Variants in DYNC2H1 observed in about 807,000 individuals in gnomAD.
DYNC2H1 encodes cytoplasmic dynein 2 heavy chain 1.
DYNC2H1 carries 410 observed loss-of-function variants against 570.0 expected under a neutral mutation model. The ratio of observed to expected loss-of-function variants is 0.72; its 90% CI spans 0.66 to 0.78. DYNC2H1 has a LOEUF of 0.78. Among genes scored for constraint, DYNC2H1 ranks in the 30% least tolerant of loss-of-function variants. The pLI, the probability that DYNC2H1 is intolerant of heterozygous loss-of-function variation, is 0.00. For synonymous variants in DYNC2H1, 1,688 were observed against 1,677.6 expected, an observed-to-expected ratio of 1.01 and a Z score of -0.15; for missense variants, 4,865 against 5,046.4, an observed-to-expected ratio of 0.96 and a Z score of 1.09.
chr11:103,109,872 C>A, intron 1 of DYNC2H1, 103 bp downstream of exon 1: 3 of 1,240,400 alleles, frequency 2.4e-6, no homozygotes, highest in Non-Finnish European at 3.3e-6. Context: ...CCAACCAGAT[C>A]CTTTTCAGGA....
In DYNC2H1 at chr11:103,289,733, C is replaced by G. The variant is rs1248627506; in HGVS notation, c.11095+2128C>G. Among the ~76,000 whole-genome samples, 1 of 151,924 alleles carries G rather than the reference C, an allele frequency of 6.6e-6. No homozygotes were observed. The highest frequency in any genetic ancestry group is 1.5e-5 in the Non-Finnish European group (1 of 67,962). On this transcript the variant is annotated intron_variant, in intron 75 of 88. Coordinates refer to ENST00000375735, the MANE Select transcript of DYNC2H1 (RefSeq NM_001377.3). This position sits in a 1 kb window ranked among gnomAD's most constrained non-coding sequence, Gnocchi z 4.2. ...CTGTGATTCTGTCACCACATCCCAG[C>G]GTGGACAGCAGAGCAAGACCTCATC...
intron 84 of DYNC2H1, among the ~76,000 whole-genome samples, chr11:103,408,657 C>T (rs187767984): frequency 1.9e-4 from 29 of 152,134 alleles, no homozygotes; most frequent in Admixed American, 7.9e-4. Flanking sequence ...TTAATAGCAG[C>T]TACATTAGGA....
chr11:103,270,056 G>C (rs1865642079), intron 70 of DYNC2H1, among the ~76,000 whole-genome samples: 1 of 151,932 alleles, frequency 6.6e-6, no homozygotes, highest in South Asian at 2.1e-4. Flanking sequence ...AGCTGGGCAT[G>C]GTGGGGTGTG....
At chr11:103,175,890 A>T (rs1439626333) in intron 36 of DYNC2H1, among the ~76,000 whole-genome samples, 1 of 152,154 alleles carries the variant, frequency 6.6e-6, no homozygotes, top group African/African-American at 2.4e-5. Flanking sequence ...ATACTTTTTA[A>T]CCTACTTTAT....
In DYNC2H1 at chr11:103,117,642, G is replaced by C. The variant is rs1233654994; in HGVS notation, c.778G>C (p.Gly260Arg). 1.9e-6 allele frequency: 3 copies of C among 1,594,628 alleles called. No individual in the cohort carries two copies. In the South Asian group the frequency reaches 3.5e-5, roughly 18 times the overall value. Residue 260 changes from glycine (G) to arginine (R), a missense_variant, in exon 6 of 89, where the codon GGA becomes CGA. Around this residue, in one of 5 missense-constraint regions of DYNC2H1, gnomAD observed 1,936 missense variants for 1,962.1 expected, o/e 0.99. Transcript: ENST00000375735. ...TTATGTTTTATTAGGTGGTTCATTT[G>C]GAAGGTTTGTTCAGAAAAAGTTGGG... is the stretch of plus-strand genomic sequence containing the variant. Reference protein sequence around the residue: ...HLLDIIGGSFGRFVQKKLGTL... With the variant: ...HLLDIIGGSFRRFVQKKLGTL...
At chr11:103,180,869 A>G (rs975994594) in intron 39 of DYNC2H1, among the ~76,000 whole-genome samples, 5 of 151,562 alleles carry the variant, frequency 3.3e-5, no homozygotes, top group Admixed American at 3.3e-4. Context: ...TGATATTTCA[A>G]TTTTTTTCAT....
In DYNC2H1 at chr11:103,121,436, T is replaced by C. The variant is rs781544371; in HGVS notation, c.1425T>C (p.Ser475=). ...GIPGDASGPL[S]GKNLSEVVNS... is the part of the protein sequence containing the mutation. ...CTGGTGATGCATCTGGACCACTTTC[T>C]GGCAAAAATCTTTCAGAAGTTGTCA... Residue 475 remains serine, a synonymous_variant, in exon 10 of 89, where the codon TCT becomes TCC. Transcript: ENST00000375735. 1.1e-5 allele frequency: 17 copies of C among 1,613,660 alleles called. No individual in the cohort carries two copies. The highest frequency in any genetic ancestry group is 1.4e-5 in the Non-Finnish European group (16 of 1,179,712).
intron 71 of DYNC2H1, 32 bp from the exon 72 acceptor site, chr11:103,282,147 T>C: frequency 6.3e-7 from 1 of 1,592,294 alleles, no homozygotes; most frequent in South Asian, 1.2e-5. Flanking sequence ...ATCATTTTTA[T>C]ATTTTTGTGT....
intron 40 of DYNC2H1, among the ~76,000 whole-genome samples, chr11:103,183,346 T>C (rs1861931953): frequency 6.6e-6 from 1 of 151,840 alleles, no homozygotes; most frequent in African/African-American, 2.4e-5. Flanking sequence ...TCGTATTAGA[T>C]GGAATATATT....
Position 103,461,512 on chromosome 11 carries a change from AC to A in DYNC2H1, c.12648+5157del, listed in dbSNP as rs1183793922. 6.6e-6 allele frequency among the ~76,000 whole-genome samples: 1 copy of A among 152,202 alleles called. No individual in the cohort carries two copies. ...ACTTGAAAACTTGATATTGCAAAAT[AC>A]ATAAATCAAGCTCCTGTTCAGCCTA... On this transcript the variant is annotated intron_variant, in intron 87 of 88. Transcript: ENST00000375735. The surrounding 1 kb of genome is among the most constrained non-coding windows in gnomAD (Gnocchi z 4.8).
At chr11:103,355,988 G>A (rs1254587331) in intron 82 of DYNC2H1, among the ~76,000 whole-genome samples, 3 of 152,214 alleles carry the variant, frequency 2.0e-5, no homozygotes, top group Non-Finnish European at 2.9e-5. Flanking sequence ...AGGATTGCAA[G>A]TGTGAACCAC....
At chr11:103,302,630 G>T (rs4754905) in intron 75 of DYNC2H1, among the ~76,000 whole-genome samples, 26,196 of 151,916 alleles carry the variant, frequency 0.17, 2,448 homozygotes, top group Admixed American at 0.26. Flanking sequence ...CATTTACTCA[G>T]ATCATGAGAA....
chr11:103,174,165 A>C lies in DYNC2H1; in HGVS notation c.5669A>C (p.Gln1890Pro). Residue 1890 changes from glutamine to proline, a missense_variant, in exon 36 of 89, where the codon CAG becomes CCG. Coordinates refer to ENST00000375735, the MANE Select transcript of DYNC2H1 (RefSeq NM_001377.3). ...LRQLNKSGTT[Q>P]NANESHIVVQ... ...CAGCTAAACAAAAGTGGCACTACACAGAATGGTATGATTGATTATTCCAAA... is the reference window on the plus strand; with the variant it reads ...CAGCTAAACAAAAGTGGCACTACACCGAATGGTATGATTGATTATTCCAAA... The C allele has an allele frequency of 6.4e-7, 1 of 1,565,276 alleles. No homozygotes were observed. The highest frequency in any genetic ancestry group is 8.7e-7 in the Non-Finnish European group (1 of 1,152,308).
Position 103,152,388 on chromosome 11 carries a change from T to A in DYNC2H1, c.3096+103T>A, listed in dbSNP as rs953418853. The A allele has an allele frequency of 1.4e-5, 16 of 1,120,214 alleles. No homozygotes were observed. In the East Asian group the frequency reaches 3.9e-4, roughly 27 times the overall value. 69.4% of individuals were successfully genotyped at this position (1,120,214 alleles called of 1,614,324 possible). A position where few individuals can be genotyped will look rare whatever the true frequency, so the allele number is the denominator to read the frequency against. On this transcript the variant is annotated intron_variant, in intron 21 of 88. Transcript: ENST00000375735. ...ATAGCCCAGGTTTATAATAATTTAA[T>A]GTGGCTGTTGAAATTGACCTCCCTG...
rs1241409766 is a variant in DYNC2H1 at position 103,181,204 on chromosome 11, G to A, written c.6348-553G>A. Reference sequence around the variant, plus strand: ...ATTTTAATAGTGGCATGGGAATTTAGGTAGTTGGATTTTTATAGGATAGAG... The same window carrying A: ...ATTTTAATAGTGGCATGGGAATTTAAGTAGTTGGATTTTTATAGGATAGAG... On this transcript the variant is annotated intron_variant, in intron 39 of 88. Coordinates refer to ENST00000375735, the MANE Select transcript of DYNC2H1 (RefSeq NM_001377.3). This position sits in a 1 kb window ranked among gnomAD's most constrained non-coding sequence, Gnocchi z 5.0. 6.6e-6 allele frequency among the ~76,000 whole-genome samples: 1 copy of A among 151,534 alleles called. No individual in the cohort carries two copies. The highest frequency in any genetic ancestry group is 2.4e-5 in the African/African-American group (1 of 41,384).
At chr11:103,207,242 TAAAAAAAGA>T (rs1862972075) in intron 52 of DYNC2H1, among the ~76,000 whole-genome samples, 3 of 139,822 alleles carry the variant, frequency 2.1e-5, no homozygotes. Flanking sequence ...TTTTTTTTTT[TAAAAAAAGA>T]TGGGACACAC....
chr11:103,149,595 T>C (rs1366535431), intron 20 of DYNC2H1, among the ~76,000 whole-genome samples: 2 of 152,198 alleles, frequency 1.3e-5, no homozygotes, highest in Non-Finnish European at 2.9e-5. Flanking sequence ...AATAAAATAA[T>C]GTATCCGTCT....
At chr11:103,158,122 G>A (rs1425417364) in intron 26 of DYNC2H1, among the ~76,000 whole-genome samples, 1 of 152,092 alleles carries the variant, frequency 6.6e-6, no homozygotes, top group African/African-American at 2.4e-5. Context: ...TGCTGTCACT[G>A]GACCATTAGC....
At chr11:103,142,181 C>T (rs547893740) in intron 17 of DYNC2H1, among the ~76,000 whole-genome samples, 17 of 152,370 alleles carry the variant, frequency 1.1e-4, no homozygotes, top group African/African-American at 4.1e-4. Flanking sequence ...AATGCCTCGC[C>T]CTGCTTCGGC....
Sources: allele counts gnomAD v4.1 joint callset (sites outside exome capture counted in the v4.1 genomes callset), GRCh38; gene constraint gnomAD v4.1.1; regional missense constraint gnomAD v4.1.1; non-coding constraint Gnocchi (gnomAD v3.1); transcripts MANE v1.5; gene names NCBI Gene and HGNC (gene_info 2026-07-23, HGNC 2026-07-21).